The following GALNT13 variants were observed in gnomAD, a reference collection of about 807,000 sequenced individuals.
GALNT13 encodes polypeptide N-acetylgalactosaminyltransferase 13.
GALNT13 carries 28 observed loss-of-function variants against 64.2 expected under a neutral mutation model. The observed-to-expected ratio is 0.44, with a 90% CI of 0.32 to 0.60. GALNT13 has a LOEUF of 0.60. Among genes scored for constraint, GALNT13 ranks in the 20% least tolerant of loss-of-function variants. The probability of loss-of-function intolerance (pLI) is 0.05; values close to 1 mark genes in which losing one functional copy is unlikely to be tolerated. For synonymous variants in GALNT13, 214 were observed against 224.6 expected, an observed-to-expected ratio of 0.95 and a Z score of 0.42; for missense variants, 577 against 669.8, an observed-to-expected ratio of 0.86 and a Z score of 1.53.
the GALNT13 span, among the ~76,000 whole-genome samples, chr2:153,467,806 T>C: frequency 4.6e-5 from 7 of 152,040 alleles, no homozygotes; most frequent in East Asian, 1.9e-4. Context: ...AAATTATCCA[T>C]GTCAACAATA....
intron 1 of GALNT13, among the ~76,000 whole-genome samples, chr2:153,881,848 T>G (rs1574034150): frequency 6.6e-6 from 1 of 152,200 alleles, no homozygotes; most frequent in Non-Finnish European, 1.5e-5. Flanking sequence ...CCTTAAGGTC[T>G]GTGCAGATGG....
chr2:153,992,520 A>G (rs10189959), intron 3 of GALNT13, among the ~76,000 whole-genome samples: 9,362 of 152,256 alleles, frequency 0.061, 594 homozygotes, highest in African/African-American at 0.16. Context: ...CATATAATTC[A>G]TTGAAAAATA....
intron 1 of GALNT13, among the ~76,000 whole-genome samples, chr2:153,877,209 T>C (rs1221632981): frequency 6.6e-6 from 1 of 152,112 alleles, no homozygotes; most frequent in East Asian, 1.9e-4. Context: ...TTTAAAGATA[T>C]GCTCATTGTT....
the GALNT13 span, among the ~76,000 whole-genome samples, chr2:153,346,316 T>A: frequency 6.6e-6 from 1 of 152,166 alleles, no homozygotes; most frequent in African/African-American, 2.4e-5. Flanking sequence ...TCCTCCACTG[T>A]TCATTTTCTC....
At chr2:153,315,088 G>A in the GALNT13 span, among the ~76,000 whole-genome samples, 5 of 152,078 alleles carry the variant, frequency 3.3e-5, no homozygotes, top group Non-Finnish European at 5.9e-5. Context: ...TTAATATCAG[G>A]CAAATAGTTT....
the GALNT13 span, among the ~76,000 whole-genome samples, chr2:153,293,463 A>G: frequency 6.6e-6 from 1 of 152,140 alleles, no homozygotes; most frequent in Non-Finnish European, 1.5e-5. Context: ...GGAAGGGGCC[A>G]AGGGATGCAG....
the GALNT13 span, among the ~76,000 whole-genome samples, chr2:153,334,425 T>C: frequency 6.6e-6 from 1 of 152,216 alleles, no homozygotes; most frequent in Admixed American, 6.6e-5. Context: ...TAAAGTTGGG[T>C]CAGCAGAAGC....
the GALNT13 span, among the ~76,000 whole-genome samples, chr2:153,697,813 A>T: frequency 6.6e-6 from 1 of 152,202 alleles, no homozygotes; most frequent in Non-Finnish European, 1.5e-5. Flanking sequence ...ACATGATCTG[A>T]CTTGTGTTTT....
intron 8 of GALNT13, chr2:154,287,295 C>A: frequency 4.3e-6 from 3 of 691,594 alleles, no homozygotes; most frequent in Non-Finnish European, 5.3e-6. Context: ...AACTCACTGG[C>A]CATGGCGGGG....
At chr2:154,190,197 T>G (rs1686497708) in intron 4 of GALNT13, among the ~76,000 whole-genome samples, 1 of 152,174 alleles carries the variant, frequency 6.6e-6, no homozygotes, top group South Asian at 2.1e-4. Context: ...AAATTACCTA[T>G]TCATGGAGAG....
rs201745843 is a variant in GALNT13, at chr2:154,311,394, G to C, written c.1156+9805G>C. On this transcript the variant is annotated intron_variant, in intron 9 of 12. Transcript: ENST00000392825. ...GAGATATCACACATAGGTAGGATCC[G>C]TGATGCCCCACAAGCCACAAAAACC... Among the ~76,000 whole-genome samples, 12 of 152,192 alleles carry C rather than the reference G, an allele frequency of 7.9e-5. No homozygotes were observed. In the East Asian group the frequency reaches 2.1e-3, roughly 27 times the overall value.
chr2:153,259,639 T>C, the GALNT13 span, among the ~76,000 whole-genome samples: 4 of 152,104 alleles, frequency 2.6e-5, no homozygotes, highest in Non-Finnish European at 4.4e-5. Context: ...TAAAATGCAG[T>C]TCCCCTGCAC....
chr2:154,232,031 A>G (rs139441334), intron 4 of GALNT13, among the ~76,000 whole-genome samples: 184 of 152,028 alleles, frequency 1.2e-3, no homozygotes, highest in Non-Finnish European at 2.0e-3. Context: ...ACTGAAGCAC[A>G]GAGAGTTAAA....
intron 3 of GALNT13, among the ~76,000 whole-genome samples, chr2:154,063,527 G>A (rs1700301530): frequency 6.6e-6 from 1 of 152,040 alleles, no homozygotes; most frequent in Non-Finnish European, 1.5e-5. Flanking sequence ...TTAAATTGAA[G>A]TCCTGGGTTA....
the GALNT13 span, among the ~76,000 whole-genome samples, chr2:153,525,432 C>T: frequency 2.0e-5 from 3 of 152,246 alleles, no homozygotes; most frequent in South Asian, 2.1e-4. Context: ...GGGATAGAGC[C>T]GGGGTCCCCA....
At chr2:153,249,744 T>C in the GALNT13 span, among the ~76,000 whole-genome samples, 1 of 152,094 alleles carries the variant, frequency 6.6e-6, no homozygotes, top group Non-Finnish European at 1.5e-5. Flanking sequence ...CCACAAGATC[T>C]TCAACAAAAA....
the GALNT13 span, among the ~76,000 whole-genome samples, chr2:153,459,637 T>C: frequency 6.6e-6 from 1 of 152,170 alleles, no homozygotes; most frequent in East Asian, 1.9e-4. Flanking sequence ...AACTCTCAGA[T>C]ATAGTCATGA....
chr2:154,092,155 A>G, intron 3 of GALNT13, among the ~76,000 whole-genome samples: 1 of 146,482 alleles, frequency 6.8e-6, no homozygotes, highest in Non-Finnish European at 1.5e-5. Context: ...GGTGCTTTTG[A>G]TAGTGCAAGT....
chr2:154,146,135 T>A (rs1400132484), intron 4 of GALNT13, among the ~76,000 whole-genome samples: 1 of 140,824 alleles, frequency 7.1e-6, no homozygotes, highest in Non-Finnish European at 1.6e-5. Context: ...TGTGTGTGTG[T>A]GTATATATAT....
Sources: allele counts gnomAD v4.1 joint callset (sites outside exome capture counted in the v4.1 genomes callset), GRCh38; gene constraint gnomAD v4.1.1; transcripts MANE v1.5; gene names NCBI Gene and HGNC (gene_info 2026-07-23, HGNC 2026-07-21).